PLCB1: variants seen among roughly 807,000 people sequenced by gnomAD.
PLCB1 encodes phospholipase C beta 1, also known as 1-phosphatidylinositol 4,5-bisphosphate phosphodiesterase beta-1.
A neutral mutation model predicts 161.8 loss-of-function variants in PLCB1; 46 were observed. That is an observed-to-expected ratio of 0.28 (90% CI 0.22 to 0.36). The LOEUF is 0.36. PLCB1 is among the 10% of genes least tolerant of loss of function. The pLI is 1.00. For missense variants in PLCB1, 1,016 were observed against 1,472.5 expected, an observed-to-expected ratio of 0.69 and a Z score of 5.07; for synonymous variants, 517 against 503.7, an observed-to-expected ratio of 1.03 and a Z score of -0.35.
chr20:8,565,036 A>G (rs1248584490), intron 3 of PLCB1, among the ~76,000 whole-genome samples: 1 of 152,224 alleles, frequency 6.6e-6, no homozygotes, highest in Non-Finnish European at 1.5e-5. Context: ...ACACATGCAC[A>G]TGTATGTTTA....
At chr20:8,757,009 A>G in intron 23 of PLCB1, 37 bp from the exon 24 acceptor site, 1 of 1,554,654 alleles carries the variant, frequency 6.4e-7, no homozygotes, top group Non-Finnish European at 8.7e-7. Context: ...AAGAATAAAA[A>G]GAAATGTGGA....
At chr20:8,289,400 G>T (rs1052452140) in intron 2 of PLCB1, among the ~76,000 whole-genome samples, 1 of 152,158 alleles carries the variant, frequency 6.6e-6, no homozygotes, top group Non-Finnish European at 1.5e-5. Context: ...TCCCGGGAAA[G>T]CTGATGCTGC....
chr20:8,391,895 G>A (rs1987616580), intron 3 of PLCB1, among the ~76,000 whole-genome samples: 1 of 148,868 alleles, frequency 6.7e-6, no homozygotes, highest in Non-Finnish European at 1.5e-5. Flanking sequence ...AATGTGGCAT[G>A]TAATTTGATA....
chr20:8,146,038 G>A (rs1420266905), intron 1 of PLCB1, among the ~76,000 whole-genome samples: 2 of 151,742 alleles, frequency 1.3e-5, no homozygotes, highest in East Asian at 1.9e-4. Context: ...GGGCCATGTC[G>A]CTTCCAAGGA....
chr20:8,370,731 C>T (rs1285894352), intron 2 of PLCB1, among the ~76,000 whole-genome samples: 1 of 152,180 alleles, frequency 6.6e-6, no homozygotes, highest in African/African-American at 2.4e-5. Context: ...TTAAAATTGG[C>T]ATTAACACAT....
At chr20:8,532,898 A>T (rs985712538) in intron 3 of PLCB1, among the ~76,000 whole-genome samples, 1 of 151,932 alleles carries the variant, frequency 6.6e-6, no homozygotes, top group Non-Finnish European at 1.5e-5. Flanking sequence ...GTTGTAGGGT[A>T]CATGTGCACA....
At chr20:8,582,155 A>G (rs1986853912) in intron 3 of PLCB1, among the ~76,000 whole-genome samples, 1 of 152,146 alleles carries the variant, frequency 6.6e-6, no homozygotes, top group Non-Finnish European at 1.5e-5. Flanking sequence ...AAGACATTAT[A>G]TTGTGGGGAT....
intron 3 of PLCB1, among the ~76,000 whole-genome samples, chr20:8,425,965 G>A (rs1186026326): frequency 6.6e-6 from 1 of 152,166 alleles, no homozygotes; most frequent in Non-Finnish European, 1.5e-5. Flanking sequence ...TCTTCCAGCA[G>A]GCAATGGGGA....
At chr20:8,873,969 ATATTTT>A (rs916277280) in intron 31 of PLCB1, among the ~76,000 whole-genome samples, 4 of 152,064 alleles carry the variant, frequency 2.6e-5, no homozygotes, top group African/African-American at 9.7e-5. Context: ...GCTAGGAGAT[ATATTTT>A]TAAAGTGTTA....
intron 2 of PLCB1, among the ~76,000 whole-genome samples, chr20:8,184,591 A>G (rs906578401): frequency 4.0e-5 from 6 of 151,748 alleles, no homozygotes; most frequent in African/African-American, 1.5e-4. Context: ...AAATTCTTCA[A>G]ACTTAATTTT....
At position 8,187,920 on chromosome 20, in the gene PLCB1, A is replaced by G. The variant is rs1357533122; in HGVS notation, c.177+37549A>G. On this transcript the variant is annotated intron_variant, in intron 2 of 31. Transcript: ENST00000338037. ...TTAAAACTAGATATGATAAAACCTT[A>G]CCACTTTATTGCTGTATGAATCAGT... is the stretch of plus-strand genomic sequence containing the variant. 2.0e-5 allele frequency among the ~76,000 whole-genome samples: 3 copies of G among 152,098 alleles called. No homozygotes were observed. The East Asian group carries it at 5.8e-4, about 29-fold the overall frequency.
At chr20:8,370,496 G>C (rs1986871154) in intron 2 of PLCB1, among the ~76,000 whole-genome samples, 2 of 152,080 alleles carry the variant, frequency 1.3e-5, no homozygotes, top group African/African-American at 4.8e-5. Flanking sequence ...TCCCCGCAAT[G>C]TTCTCTGTCT....
intron 3 of PLCB1, among the ~76,000 whole-genome samples, chr20:8,604,766 A>G (rs183189742): frequency 8.6e-4 from 131 of 152,316 alleles, no homozygotes; most frequent in Non-Finnish European, 1.5e-3. Context: ...TTCACATTGC[A>G]TTGTATGAAT....
intron 2 of PLCB1, among the ~76,000 whole-genome samples, chr20:8,223,172 A>G (rs868135204): frequency 6.6e-6 from 1 of 152,180 alleles, no homozygotes; most frequent in South Asian, 2.1e-4. Flanking sequence ...CATTTCTATT[A>G]TGGAAGCCAT....
At chr20:8,271,005 G>C (rs1347777256) in intron 2 of PLCB1, among the ~76,000 whole-genome samples, 3 of 152,110 alleles carry the variant, frequency 2.0e-5, no homozygotes, top group Non-Finnish European at 2.9e-5. Context: ...CCCCCGTGCT[G>C]CTTAGAAGAA....
At chr20:8,400,711 C>A (rs981507595) in intron 3 of PLCB1, among the ~76,000 whole-genome samples, 38 of 152,188 alleles carry the variant, frequency 2.5e-4, no homozygotes, top group African/African-American at 7.9e-4. Flanking sequence ...AGTCCTCATT[C>A]TTTTTCTAGA....
chr20:8,774,309 T>C (rs1221022957), intron 26 of PLCB1, among the ~76,000 whole-genome samples: 3 of 152,238 alleles, frequency 2.0e-5, no homozygotes, highest in Non-Finnish European at 4.4e-5. Flanking sequence ...TTTGCTTTTC[T>C]TTCTGCCCCT....
At chr20:8,255,965 A>G (rs1408479857) in intron 2 of PLCB1, among the ~76,000 whole-genome samples, 10 of 152,042 alleles carry the variant, frequency 6.6e-5, no homozygotes, top group Admixed American at 6.6e-4. Context: ...ATTGTTTTGC[A>G]GTTGCCTACA....
intron 2 of PLCB1, among the ~76,000 whole-genome samples, chr20:8,223,594 T>C (rs1170000387): frequency 6.6e-6 from 1 of 152,172 alleles, no homozygotes; most frequent in Non-Finnish European, 1.5e-5. Flanking sequence ...CCAGGTCTCT[T>C]CATTTCCCAG....
Sources: allele counts gnomAD v4.1 joint callset (sites outside exome capture counted in the v4.1 genomes callset), GRCh38; gene constraint gnomAD v4.1.1; transcripts MANE v1.5; gene names NCBI Gene and HGNC (gene_info 2026-07-23, HGNC 2026-07-21).